RPRD2: variants seen among roughly 807,000 people sequenced by gnomAD.
The protein encoded by RPRD2 is regulation of nuclear pre-mRNA domain containing 2.
RPRD2 carries 12 observed loss-of-function variants against 104.4 expected under a neutral mutation model. The observed-to-expected ratio is 0.11, with a 90% CI of 0.07 to 0.19. The LOEUF (loss-of-function observed/expected upper bound fraction) is 0.19. Ranked by LOEUF, RPRD2 falls within the 10% of genes least tolerant of loss-of-function variation. The probability of loss-of-function intolerance (pLI) is 1.00; values close to 1 mark genes in which losing one functional copy is unlikely to be tolerated. For synonymous variants in RPRD2, 714 were observed against 684.9 expected (o/e 1.04, Z -0.66); for missense variants, 1,543 against 1,790.1 (o/e 0.86, Z 2.49).
At chr1:150,373,305 C>T (rs1428083017) in intron 1 of RPRD2, among the ~76,000 whole-genome samples, 5 of 152,140 alleles carry the variant, frequency 3.3e-5, no homozygotes, top group Non-Finnish European at 5.9e-5. Context: ...TGAGCCACCA[C>T]GCCTGGCACT....
intron 2 of RPRD2, among the ~76,000 whole-genome samples, chr1:150,438,842 CT>C (rs797042825): frequency 6.0e-4 from 88 of 146,588 alleles, no homozygotes; most frequent in African/African-American, 9.4e-4. Context: ...CATATCTAAA[CT>C]TTTTTTTTTT....
intron 7 of RPRD2, among the ~76,000 whole-genome samples, chr1:150,454,653 A>C (rs903277737): frequency 6.6e-6 from 1 of 152,006 alleles, no homozygotes; most frequent in African/African-American, 2.4e-5. Flanking sequence ...TTCGAGATCA[A>C]CCTAGCCAAC....
chr1:150,459,322 A>G (rs1667762002), intron 8 of RPRD2, among the ~76,000 whole-genome samples: 1 of 152,192 alleles, frequency 6.6e-6, no homozygotes, highest in East Asian at 1.9e-4. Flanking sequence ...GCACCCCCCA[A>G]TAGGGCAATT....
chr1:150,428,846 C>T (rs183369233), intron 2 of RPRD2, among the ~76,000 whole-genome samples: 165 of 152,106 alleles, frequency 1.1e-3, no homozygotes, highest in Middle Eastern at 3.4e-3. Context: ...ATCAACTTTC[C>T]CCTTTAAAAT....
intron 1 of RPRD2, among the ~76,000 whole-genome samples, chr1:150,392,205 A>C (rs1434519218): frequency 1.3e-5 from 2 of 150,606 alleles, no homozygotes; most frequent in Non-Finnish European, 3.0e-5. Flanking sequence ...AAGAAAAGAG[A>C]GAAGAATAGA....
At chr1:150,407,144 TG>T (rs1253721335) in intron 1 of RPRD2, among the ~76,000 whole-genome samples, 1 of 152,206 alleles carries the variant, frequency 6.6e-6, no homozygotes. Flanking sequence ...ATAATACTTT[TG>T]GTTATTGGGT....
chr1:150,376,501 C>CT (rs587716712), intron 1 of RPRD2, among the ~76,000 whole-genome samples: 18,000 of 144,416 alleles, frequency 0.12, 1,445 homozygotes, highest in African/African-American at 0.22. Flanking sequence ...ATGATACAGT[C>CT]TTTTTTTTTT....
intron 10 of RPRD2, among the ~76,000 whole-genome samples, chr1:150,466,771 C>T (rs782448211): frequency 6.6e-6 from 1 of 152,014 alleles, no homozygotes; most frequent in Non-Finnish European, 1.5e-5. Context: ...TTTCATAAAT[C>T]TTTCCTACTC....
chr1:150,422,042 T>G (rs1172941641), intron 2 of RPRD2, among the ~76,000 whole-genome samples: 11 of 150,674 alleles, frequency 7.3e-5, no homozygotes, highest in Admixed American at 6.0e-4. Flanking sequence ...TAACCACCAC[T>G]TCCCCTTTTA....
intron 7 of RPRD2, among the ~76,000 whole-genome samples, chr1:150,451,508 A>G (rs587732820): frequency 6.6e-6 from 1 of 151,462 alleles, no homozygotes; most frequent in Non-Finnish European, 1.5e-5. Flanking sequence ...CCCCGTCTCC[A>G]CTAAAAAATA....
rs1235016320 is a variant in RPRD2 at position 150,379,000 on chromosome 1, G to A, written c.205+14081G>A. ...TCATTAAAAAAAAAAAAAAAAAAAA[G>A]GCCCAGCTGAATTGGCTCATGCCTG... On this transcript the variant is annotated intron_variant, in intron 1 of 10. Coordinates refer to ENST00000369068, the MANE Select transcript of RPRD2 (RefSeq NM_015203.5). 2.6e-3 allele frequency among the ~76,000 whole-genome samples: 263 copies of A among 100,282 alleles called. 3 individuals are homozygous for A. The highest frequency in any genetic ancestry group is 8.5e-3 in the Middle Eastern group (1 of 118). The allele number at this position is 100,282 out of a possible 152,430, so 65.8% of individuals were successfully genotyped here.
intron 1 of RPRD2, among the ~76,000 whole-genome samples, chr1:150,416,043 G>C (rs190114235): frequency 6.6e-6 from 1 of 152,122 alleles, no homozygotes; most frequent in Non-Finnish European, 1.5e-5. Context: ...GTAGCATTGC[G>C]GGCCCAGGTG....
At position 150,472,578 on chromosome 1, in the gene RPRD2, G is replaced by A; in HGVS notation, c.3630G>A (p.Val1210=). The A allele has an allele frequency of 6.2e-7, 1 of 1,613,912 alleles. No individual in the cohort carries two copies. Among genetic ancestry groups the A allele is most frequent in the Non-Finnish European group, 8.5e-7 (1 of 1,179,848 alleles). Residue 1210 remains valine, a synonymous_variant, in exon 11 of 11, where the codon GTG becomes GTA. Transcript: ENST00000369068. ...GGACACCCTTCCAGAGAGAGCCAGT[G>A]GGGCCATCATCTGCCCCACCTGTCC... ...EHGTPFQREP[V]GPSSAPPVPP... is the part of the protein sequence containing the mutation.
intron 2 of RPRD2, among the ~76,000 whole-genome samples, chr1:150,431,483 T>TG (rs1239350090): frequency 0.046 from 6,484 of 141,350 alleles, 481 homozygotes; most frequent in African/African-American, 0.13. Context: ...ATTTTTTTTT[T>TG]TTTTTTTTTT....
chr1:150,416,675 G>T (rs1553888600), intron 1 of RPRD2, among the ~76,000 whole-genome samples: 1 of 151,864 alleles, frequency 6.6e-6, no homozygotes, highest in Non-Finnish European at 1.5e-5. Context: ...TTTGAGATCA[G>T]CCTGGCCAAC....
intron 10 of RPRD2, among the ~76,000 whole-genome samples, chr1:150,469,372 G>A (rs1668471252): frequency 6.6e-6 from 1 of 152,122 alleles, no homozygotes; most frequent in Non-Finnish European, 1.5e-5. Context: ...CTTGAACTGG[G>A]CACAAGTGAT....
At chr1:150,470,405 T>C (rs1164698936) in intron 10 of RPRD2, among the ~76,000 whole-genome samples, 156 bp from the exon 11 acceptor site, 1 of 152,210 alleles carries the variant, frequency 6.6e-6, no homozygotes, top group African/African-American at 2.4e-5. Flanking sequence ...TCTGTGACAT[T>C]TAGCCATTGC....
intron 10 of RPRD2, among the ~76,000 whole-genome samples, chr1:150,467,441 TCGGCTCACTGCAACCTCTGCCTC>T (rs1668351335): frequency 6.6e-6 from 1 of 151,906 alleles, no homozygotes; most frequent in Non-Finnish European, 1.5e-5. Flanking sequence ...TGGTGTGATC[TCGGCTCACTGCAACCTCTGCCTC>T]TCGGGTTCAA....
In RPRD2 at chr1:150,473,126, G is replaced by T; in HGVS notation, c.4178G>T (p.Ser1393Ile). The T allele has an allele frequency of 6.2e-7, 1 of 1,613,978 alleles. No homozygotes were observed. ...HGGGGGGGSN[S>I]SSGPPLGPSH... is the part of the protein sequence containing the mutation. ...GGAGGAGGTGGGGGAGGCAGCAACA[G>T]CAGCAGTGGCCCCCCCTTGGGTCCC... The change falls in exon 11 of 11, where the codon AGC becomes ATC. Residue 1393 changes from serine (S) to isoleucine (I), a missense_variant. Ser to Ile is a moderately radical substitution (Grantham distance 142, BLOSUM62 -2). Coordinates refer to ENST00000369068, the MANE Select transcript of RPRD2 (RefSeq NM_015203.5).
Sources: allele counts gnomAD v4.1 joint callset (sites outside exome capture counted in the v4.1 genomes callset), GRCh38; gene constraint gnomAD v4.1.1; transcripts MANE v1.5; gene names NCBI Gene and HGNC (gene_info 2026-07-23, HGNC 2026-07-21).